The following LUZP2 variants were observed in gnomAD, a reference collection of about 807,000 sequenced individuals.
LUZP2 encodes leucine zipper protein 2.
LUZP2 carries 52 observed loss-of-function variants against 51.6 expected under a neutral mutation model. That is an observed-to-expected ratio of 1.01 (90% CI 0.81 to 1.27). The LOEUF (loss-of-function observed/expected upper bound fraction) is 1.27. Among genes scored for constraint, LUZP2 ranks in the 50% most tolerant of loss-of-function variants. LUZP2 has a pLI of 0.00. For synonymous variants in LUZP2, 154 were observed against 137.3 expected (o/e 1.12, Z -0.85); for missense variants, 436 against 395.4 (o/e 1.10, Z -0.87).
intron 10 of LUZP2, among the ~76,000 whole-genome samples, chr11:25,067,230 T>C (rs185024107): frequency 6.6e-6 from 1 of 152,142 alleles, no homozygotes; most frequent in East Asian, 1.9e-4. Context: ...TTGATGAAGT[T>C]GTTTTTTTCT....
intron 1 of LUZP2, among the ~76,000 whole-genome samples, chr11:24,629,339 T>C (rs1482943568): frequency 6.6e-6 from 1 of 151,796 alleles, no homozygotes; most frequent in Non-Finnish European, 1.5e-5. Flanking sequence ...CATATTTGTC[T>C]TTCTGTGTCT....
chr11:24,889,102 C>T (rs141039756), intron 5 of LUZP2, among the ~76,000 whole-genome samples: 6 of 152,194 alleles, frequency 3.9e-5, no homozygotes, highest in African/African-American at 1.4e-4. Context: ...CTACCTTCCA[C>T]TTACAGAAGC....
intron 5 of LUZP2, among the ~76,000 whole-genome samples, chr11:24,825,065 C>T (rs1454475572): frequency 6.6e-6 from 1 of 152,054 alleles, no homozygotes; most frequent in South Asian, 2.1e-4. Flanking sequence ...TGTGTGTACA[C>T]TATGTGTAAA....
chr11:24,541,605 G>C (rs773889297), intron 1 of LUZP2, among the ~76,000 whole-genome samples: 3 of 152,050 alleles, frequency 2.0e-5, no homozygotes. Flanking sequence ...CCACATGCCT[G>C]TATATTTGTC....
chr11:24,895,144 C>T, intron 5 of LUZP2, among the ~76,000 whole-genome samples: 1 of 152,092 alleles, frequency 6.6e-6, no homozygotes, highest in Non-Finnish European at 1.5e-5. Flanking sequence ...GCATAAGATT[C>T]TCACCATATT....
intron 5 of LUZP2, among the ~76,000 whole-genome samples, chr11:24,820,819 G>C (rs1054631154): frequency 8.5e-5 from 13 of 152,108 alleles, no homozygotes; most frequent in Admixed American, 8.5e-4. Context: ...CATAGTGTAA[G>C]AAGAAGACTT....
chr11:24,899,398 ACT>A (rs1339918033), intron 5 of LUZP2, among the ~76,000 whole-genome samples: 1 of 151,628 alleles, frequency 6.6e-6, no homozygotes. Flanking sequence ...AATATACTAG[ACT>A]CTAGAAAAAC....
intron 1 of LUZP2, among the ~76,000 whole-genome samples, chr11:24,624,821 G>A (rs117062620): frequency 9.1e-4 from 139 of 152,202 alleles, no homozygotes; most frequent in East Asian, 6.4e-3. Flanking sequence ...TTCAAAAAGG[G>A]TAGTATTATT....
chr11:24,930,987 G>T (rs2133833717), intron 7 of LUZP2, among the ~76,000 whole-genome samples: 1 of 152,182 alleles, frequency 6.6e-6, no homozygotes, highest in South Asian at 2.1e-4. Context: ...GCCAAGGTGG[G>T]TGGATCACGA....
intron 1 of LUZP2, among the ~76,000 whole-genome samples, chr11:24,523,506 AG>A (rs1246741021): frequency 6.6e-6 from 1 of 150,758 alleles, no homozygotes; most frequent in Non-Finnish European, 1.5e-5. Flanking sequence ...TACAAAAAAA[AG>A]AATACTTCGT....
At chr11:24,620,453 T>A (rs1333261352) in intron 1 of LUZP2, among the ~76,000 whole-genome samples, 2 of 152,188 alleles carry the variant, frequency 1.3e-5, no homozygotes, top group Non-Finnish European at 2.9e-5. Context: ...TGCTCCTTTT[T>A]GCTCAGTGGT....
intron 9 of LUZP2, among the ~76,000 whole-genome samples, chr11:24,995,636 C>T (rs577428729): frequency 4.0e-4 from 61 of 151,784 alleles, no homozygotes; most frequent in African/African-American, 1.4e-3. Flanking sequence ...TTAAAAATGT[C>T]ACCCCATTGC....
At chr11:24,715,420 T>C (rs956071911) in intron 1 of LUZP2, among the ~76,000 whole-genome samples, 5 of 152,112 alleles carry the variant, frequency 3.3e-5, no homozygotes, top group Admixed American at 2.0e-4. Flanking sequence ...TTTTGATAAT[T>C]TGAACCTCAC....
At chr11:24,504,057 T>A (rs1850079617) in intron 1 of LUZP2, among the ~76,000 whole-genome samples, 1 of 152,200 alleles carries the variant, frequency 6.6e-6, no homozygotes, top group African/African-American at 2.4e-5. Flanking sequence ...TGAGTTCTCA[T>A]CATTGCACAC....
intron 6 of LUZP2, among the ~76,000 whole-genome samples, chr11:24,908,132 A>G (rs1042189403): frequency 5.3e-5 from 8 of 152,180 alleles, no homozygotes; most frequent in African/African-American, 1.9e-4. Flanking sequence ...TAGGAGCTAA[A>G]ATGGAGATTG....
chr11:24,901,759 C>T (rs10742054), intron 5 of LUZP2, among the ~76,000 whole-genome samples: 74,511 of 151,506 alleles, frequency 0.49, 18,589 homozygotes, highest in East Asian at 0.72. Flanking sequence ...CGTGATAGCT[C>T]CCATTAGTAG....
chr11:24,851,908 C>T (rs543109672), intron 5 of LUZP2, among the ~76,000 whole-genome samples: 88 of 151,954 alleles, frequency 5.8e-4, no homozygotes, highest in Middle Eastern at 3.4e-3. Flanking sequence ...ATTTGCATAG[C>T]GGGGTTTATA....
intron 1 of LUZP2, among the ~76,000 whole-genome samples, chr11:24,705,935 A>G (rs1381888257): frequency 6.7e-6 from 1 of 148,248 alleles, no homozygotes; most frequent in Non-Finnish European, 1.5e-5. Flanking sequence ...CTAAAAAAGA[A>G]AAAAAAAAAA....
At chr11:24,749,884 C>A (rs1277807523) in intron 4 of LUZP2, among the ~76,000 whole-genome samples, 7 of 152,172 alleles carry the variant, frequency 4.6e-5, no homozygotes, top group Admixed American at 2.6e-4. Flanking sequence ...TGGATTCCGA[C>A]TGAGCCGCTA....
Sources: gnomAD v4.1 joint callset for allele counts (sites outside exome capture counted in the v4.1 genomes callset) on GRCh38, gnomAD v4.1.1 for gene constraint, MANE v1.5 for transcripts, NCBI Gene and HGNC (gene_info 2026-07-23, HGNC 2026-07-21) for gene names.